The following GCNT2 variants were observed in gnomAD, a reference collection of about 807,000 sequenced individuals.
The protein encoded by GCNT2 is N-acetyllactosaminide beta-1,6-N-acetylglucosaminyl-transferase.
A neutral mutation model predicts 34.2 loss-of-function variants in GCNT2; 34 were observed. The observed-to-expected ratio is 1.00, with a 90% CI of 0.76 to 1.32. The LOEUF (loss-of-function observed/expected upper bound fraction) is 1.32. Among genes scored for constraint, GCNT2 ranks in the 40% most tolerant of loss-of-function variants. The pLI is 0.00. For synonymous variants in GCNT2, 212 were observed against 188.0 expected (o/e 1.13, Z -1.04); for missense variants, 584 against 489.4 (o/e 1.19, Z -1.82).
chr6:10,534,139 C>CTTTTTTTTTTTTTTTTT lies in GCNT2; in HGVS notation c.925+4304_925+4305insTTTTTTTTTTTTTTTTT, dbSNP rs1491129469. Among the ~76,000 whole-genome samples, 650 of 123,152 alleles carry CTTTTTTTTTTTTTTTTT rather than the reference C, an allele frequency of 5.3e-3. 99 individuals are homozygous for CTTTTTTTTTTTTTTTTT. Among genetic ancestry groups the CTTTTTTTTTTTTTTTTT allele is most frequent in the South Asian group, 9.0e-3 (28 of 3,128 alleles). 80.8% of individuals were successfully genotyped at this position (123,152 alleles called of 152,430 possible). ...CTGGTATCTGCCAGATTCCATGCTG[C>CTTTTTTTTTTTTTTTTT]TCTTTTTTTTTTTTTTTTTTAAGAT... On this transcript the variant is annotated intron_variant, in intron 3 of 4. Coordinates refer to ENST00000495262, the MANE Select transcript of GCNT2 (RefSeq NM_145649.5).
rs1386851149 is a variant in GCNT2, at chr6:10,523,521, T to TC, written c.-469+2105dup. Among the ~76,000 whole-genome samples, 5 of 152,100 alleles carry TC rather than the reference T, an allele frequency of 3.3e-5. No homozygotes were observed. The East Asian group carries it at 7.7e-4, about 23-fold the overall frequency. On this transcript the variant is annotated intron_variant, in intron 1 of 4. Transcript: ENST00000495262. Reference sequence around the variant, plus strand: ...TTTTGTTAAACGATCACAACCCACTTCATTTCCCCCTCGTAGCCTCTTCTT... The same window carrying TC: ...TTTTGTTAAACGATCACAACCCACTTCCATTTCCCCCTCGTAGCCTCTTCTT...
At chr6:10,533,185 A>G (rs1004599626) in intron 3 of GCNT2, among the ~76,000 whole-genome samples, 1 of 151,908 alleles carries the variant, frequency 6.6e-6, no homozygotes, top group African/African-American at 2.4e-5. Flanking sequence ...ACGTGCCTGT[A>G]ATCCCAGCTA....
chr6:10,582,380 A>AAATATAATATATACT (rs1764144192), intron 3 of GCNT2, among the ~76,000 whole-genome samples: 1 of 120,324 alleles, frequency 8.3e-6, no homozygotes, highest in Admixed American at 9.9e-5. Flanking sequence ...ACTATAATTT[A>AAATATAATATATACT]ATATTTATTA....
intron 3 of GCNT2, among the ~76,000 whole-genome samples, chr6:10,536,117 G>C (rs1027504059): frequency 6.6e-6 from 1 of 152,120 alleles, no homozygotes; most frequent in African/African-American, 2.4e-5. Flanking sequence ...GAGCAGAGAA[G>C]GGCAGATCCG....
At chr6:10,615,818 C>G (rs1221741604) in intron 3 of GCNT2, among the ~76,000 whole-genome samples, 1 of 152,210 alleles carries the variant, frequency 6.6e-6, no homozygotes, top group Non-Finnish European at 1.5e-5. Context: ...GGGCAACTTC[C>G]TGACATTGCT....
intron 3 of GCNT2, among the ~76,000 whole-genome samples, chr6:10,612,685 C>T (rs1765609587): frequency 6.6e-6 from 1 of 152,176 alleles, no homozygotes; most frequent in Non-Finnish European, 1.5e-5. Flanking sequence ...CCTCCCAAAA[C>T]CCTGTGAGGT....
At chr6:10,585,936 A>C in intron 3 of GCNT2, 1 of 1,608,458 alleles carries the variant, frequency 6.2e-7, no homozygotes, top group Non-Finnish European at 8.5e-7. Context: ...TCTCACACCG[A>C]TCATTTCTCA....
At position 10,589,380 on chromosome 6, in the gene GCNT2, G is replaced by A. The variant is rs901150064; in HGVS notation, c.926-31971G>A. Among the ~76,000 whole-genome samples the A allele has an allele frequency of 3.4e-5, 5 of 147,922 alleles. No individual in the cohort carries two copies. The South Asian group carries it at 6.5e-4, about 19-fold the overall frequency. ...TGTTTCTAGTGTGTGTTTGTAGTGT[G>A]GTGTGTGTTTGTAGTGTGTGGTGTG... is the stretch of plus-strand genomic sequence containing the variant. On this transcript the variant is annotated intron_variant, in intron 3 of 4. Transcript: ENST00000495262.
chr6:10,574,728 ATT>A, intron 3 of GCNT2: 2 of 501,960 alleles, frequency 4.0e-6, no homozygotes, highest in Admixed American at 2.7e-5. Context: ...GAGGTCTTTT[ATT>A]TTTTTTTAAC....
At chr6:10,582,229 T>C (rs1033938821) in intron 3 of GCNT2, among the ~76,000 whole-genome samples, 26 of 105,386 alleles carry the variant, frequency 2.5e-4, no homozygotes, top group African/African-American at 8.6e-4. Context: ...TAATTATATA[T>C]ATTTAAATAT....
intron 3 of GCNT2, among the ~76,000 whole-genome samples, chr6:10,565,991 C>T (rs1303535477): frequency 6.6e-6 from 1 of 152,148 alleles, no homozygotes; most frequent in African/African-American, 2.4e-5. Flanking sequence ...GCACCTTCAC[C>T]AAACACAGAG....
intron 3 of GCNT2, among the ~76,000 whole-genome samples, chr6:10,568,582 C>T (rs1019610875): frequency 3.9e-5 from 6 of 152,156 alleles, no homozygotes; most frequent in African/African-American, 7.2e-5. Context: ...CTAAGAAAAA[C>T]GTTTTCTCAA....
intron 3 of GCNT2, among the ~76,000 whole-genome samples, chr6:10,580,720 G>T (rs548756615): frequency 2.6e-5 from 4 of 152,268 alleles, no homozygotes; most frequent in African/African-American, 4.8e-5. Flanking sequence ...CCCCTCCCCT[G>T]ACCGGCATCT....
At chr6:10,600,274 C>T (rs1440523233) in intron 3 of GCNT2, among the ~76,000 whole-genome samples, 2 of 152,096 alleles carry the variant, frequency 1.3e-5, no homozygotes, top group African/African-American at 4.8e-5. Flanking sequence ...GAAAAGAGTG[C>T]ATATCAATAT....
Position 10,627,394 on chromosome 6 carries a change from C to G in GCNT2, c.*787C>G, listed in dbSNP as rs1268499384. The G allele has an allele frequency of 1.3e-5, 2 of 152,176 alleles. No individual in the cohort carries two copies. The highest frequency in any genetic ancestry group is 2.9e-5 in the Non-Finnish European group (2 of 68,050). The allele number at this position is 152,176 out of a possible 1,614,324, so 9.4% of individuals were successfully genotyped here. On this transcript the variant is annotated 3_prime_UTR_variant, in exon 5 of 5. Transcript: ENST00000495262. ...AGAGGTGCTATCACATAGATCTAGT[C>G]TGAAGTCTGGAACACTTTCCTCTTC... is the stretch of plus-strand genomic sequence containing the variant.
At chr6:10,538,423 A>T (rs1167361729) in intron 3 of GCNT2, among the ~76,000 whole-genome samples, 3 of 130,412 alleles carry the variant, frequency 2.3e-5, no homozygotes, top group African/African-American at 1.1e-4. Context: ...AAAAAAAAAA[A>T]AAAAAAAAAA....
At chr6:10,563,777 A>AT (rs1338202375) in intron 3 of GCNT2, among the ~76,000 whole-genome samples, 81 of 24,712 alleles carry the variant, frequency 3.3e-3, no homozygotes, top group Admixed American at 6.8e-3. Context: ...AAAAAAAAAA[A>AT]ATATATATAT....
chr6:10,562,673 A>AAC lies in GCNT2; in HGVS notation c.925+32838_925+32839insCA, dbSNP rs1554130715. On this transcript the variant is annotated intron_variant, in intron 3 of 4. Transcript: ENST00000495262. Reference sequence around the variant, plus strand: ...ACTTCTCTGAAAAAAAAAAAAAAAAAAAAACAAAAAAAAACCCACAAAAAC... The same window carrying AAC: ...ACTTCTCTGAAAAAAAAAAAAAAAAAACAAAACAAAAAAAAACCCACAAAAAC... Among the ~76,000 whole-genome samples, 8 of 151,244 alleles carry AAC rather than the reference A, an allele frequency of 5.3e-5. No homozygotes were observed. The South Asian group carries it at 1.7e-3, about 32-fold the overall frequency.
chr6:10,522,102 G>T (rs1760942633), intron 1 of GCNT2, among the ~76,000 whole-genome samples: 1 of 151,854 alleles, frequency 6.6e-6, no homozygotes, highest in Admixed American at 6.6e-5. Context: ...TGGCCAGGCT[G>T]GTCTCAAACT....
Sources: allele counts gnomAD v4.1 joint callset (sites outside exome capture counted in the v4.1 genomes callset), GRCh38; gene constraint gnomAD v4.1.1; transcripts MANE v1.5; gene names NCBI Gene and HGNC (gene_info 2026-07-23, HGNC 2026-07-21).